TNKS: variants seen among roughly 807,000 people sequenced by gnomAD.
TNKS encodes tankyrase, also known as poly [ADP-ribose] polymerase tankyrase-1.
Under a neutral mutation model 135.8 loss-of-function variants are expected in TNKS, and 72 were observed. The ratio of observed to expected loss-of-function variants is 0.53; its 90% confidence interval spans 0.44 to 0.64. TNKS has a LOEUF of 0.64. Ranked by LOEUF, TNKS falls within the 30% of genes least tolerant of loss-of-function variation. The pLI, the probability that TNKS is intolerant of heterozygous loss-of-function variation, is 0.00. For missense variants in TNKS, 1,769 were observed against 1,674.0 expected (o/e 1.06, Z -0.99); for synonymous variants, 849 against 649.3 (o/e 1.31, Z -4.68).
At chr8:9,728,011 A>G (rs1168479014) in intron 13 of TNKS, among the ~76,000 whole-genome samples, 1 of 152,248 alleles carries the variant, frequency 6.6e-6, no homozygotes, top group Non-Finnish European at 1.5e-5. Context: ...CTTTCAGAGC[A>G]TGATCATCTC....
At chr8:9,576,804 C>G (rs1450711179) in intron 1 of TNKS, among the ~76,000 whole-genome samples, 1 of 151,800 alleles carries the variant, frequency 6.6e-6, no homozygotes, top group African/African-American at 2.4e-5. Flanking sequence ...TAGATTGAAC[C>G]ATATGAAGTT....
chr8:9,772,809 T>TGTGTGTG (rs1563227259), intron 26 of TNKS, among the ~76,000 whole-genome samples: 4 of 86,694 alleles, frequency 4.6e-5, no homozygotes, highest in African/African-American at 1.7e-4. Flanking sequence ...GTGTGTGTGT[T>TGTGTGTG]TGTGTGTGTG....
intron 5 of TNKS, among the ~76,000 whole-genome samples, chr8:9,690,492 G>A (rs1039487214): frequency 2.6e-5 from 4 of 152,022 alleles, no homozygotes. Context: ...AAGCATGGTG[G>A]CTCACGCCTG....
intron 4 of TNKS, 119 bp from the exon 5 acceptor site, chr8:9,680,606 G>T: frequency 1.5e-6 from 1 of 654,538 alleles, no homozygotes; most frequent in Non-Finnish European, 2.7e-6. Context: ...GATTTATTGT[G>T]ATCCATGTAA....
intron 23 of TNKS, among the ~76,000 whole-genome samples, 156 bp downstream of exon 23, chr8:9,764,946 A>C (rs977039839): frequency 6.6e-6 from 1 of 152,220 alleles, no homozygotes; most frequent in Non-Finnish European, 1.5e-5. Context: ...TCACTACAAT[A>C]TCTCTAACTC....
At chr8:9,664,331 A>G (rs968640152) in intron 3 of TNKS, among the ~76,000 whole-genome samples, 1 of 152,130 alleles carries the variant, frequency 6.6e-6, no homozygotes, top group Non-Finnish European at 1.5e-5. Flanking sequence ...TTCACAACCA[A>G]CTATTGAAGG....
intron 5 of TNKS, among the ~76,000 whole-genome samples, chr8:9,697,775 T>G (rs1361972378): frequency 6.6e-6 from 1 of 151,986 alleles, no homozygotes; most frequent in Non-Finnish European, 1.5e-5. Flanking sequence ...TATTAAAAAG[T>G]CAAAAGACAA....
At chr8:9,604,966 A>G (rs1030811682) in intron 2 of TNKS, among the ~76,000 whole-genome samples, 27 of 151,908 alleles carry the variant, frequency 1.8e-4, no homozygotes, top group African/African-American at 5.3e-4. Context: ...TCACAGTCAG[A>G]CCCTCTATAA....
At chr8:9,586,674 G>T (rs896806229) in intron 2 of TNKS, among the ~76,000 whole-genome samples, 1 of 151,010 alleles carries the variant, frequency 6.6e-6, no homozygotes, top group African/African-American at 2.4e-5. Context: ...CAGTATTATA[G>T]AATTTATATT....
intron 1 of TNKS, among the ~76,000 whole-genome samples, chr8:9,571,406 G>C (rs1392794799): frequency 6.6e-6 from 1 of 152,156 alleles, no homozygotes; most frequent in Non-Finnish European, 1.5e-5. Flanking sequence ...TTTGTTTTGA[G>C]GGATGATCTG....
At position 9,660,585 on chromosome 8, in the gene TNKS, C is replaced by T. The variant is rs940836175; in HGVS notation, c.995-19366C>T. Among the ~76,000 whole-genome samples the T allele has an allele frequency of 3.4e-4, 52 of 152,284 alleles. No individual in the cohort carries two copies. In the South Asian group the frequency reaches 9.7e-3, roughly 29 times the overall value. ...TAAATTAGGTATTGATGGGACGTAT[C>T]TCAAAATAATAAGAGCTATCTATGA... On this transcript the variant is annotated intron_variant, in intron 3 of 26. Coordinates refer to ENST00000310430, the MANE Select transcript of TNKS (RefSeq NM_003747.3).
chr8:9,675,740 C>G (rs1221169946), intron 3 of TNKS, among the ~76,000 whole-genome samples: 1 of 152,120 alleles, frequency 6.6e-6, no homozygotes, highest in Non-Finnish European at 1.5e-5. Context: ...TTTTCCAGAA[C>G]TCAGATTTGT....
At chr8:9,666,549 G>A (rs981430736) in intron 3 of TNKS, among the ~76,000 whole-genome samples, 2 of 151,942 alleles carry the variant, frequency 1.3e-5, no homozygotes, top group Admixed American at 6.6e-5. Flanking sequence ...GTGAAACCCC[G>A]TCTCTACTAA....
At chr8:9,638,810 T>C (rs1800616892) in intron 3 of TNKS, among the ~76,000 whole-genome samples, 1 of 152,180 alleles carries the variant, frequency 6.6e-6, no homozygotes, top group Middle Eastern at 3.4e-3. Context: ...TTATTTATAA[T>C]GGAAAAAAAA....
chr8:9,697,856 A>C (rs1458638666), intron 5 of TNKS, among the ~76,000 whole-genome samples: 1 of 152,136 alleles, frequency 6.6e-6, no homozygotes. Flanking sequence ...AAATTTCTCA[A>C]CTTAAAACAG....
intron 3 of TNKS, among the ~76,000 whole-genome samples, chr8:9,675,965 GT>G (rs1802514164): frequency 6.6e-6 from 1 of 150,722 alleles, no homozygotes; most frequent in South Asian, 2.1e-4. Context: ...TTACTGATAG[GT>G]TTGGATACCA....
chr8:9,660,820 T>C (rs1313388543), intron 3 of TNKS, among the ~76,000 whole-genome samples: 2 of 152,180 alleles, frequency 1.3e-5, no homozygotes, highest in African/African-American at 4.8e-5. Context: ...GATGACATGA[T>C]TGTATATCTA....
chr8:9,638,303 T>G (rs2128775263), intron 3 of TNKS, among the ~76,000 whole-genome samples: 1 of 152,374 alleles, frequency 6.6e-6, no homozygotes, highest in Admixed American at 6.5e-5. Flanking sequence ...TGTGTTTGCC[T>G]TAATCATGGC....
intron 26 of TNKS, among the ~76,000 whole-genome samples, chr8:9,774,814 G>A (rs748907495): frequency 2.0e-5 from 3 of 152,094 alleles, no homozygotes; most frequent in African/African-American, 7.2e-5. Context: ...TGCAGACACC[G>A]GCACTATTGA....
Sources: gnomAD v4.1 joint callset for allele counts (sites outside exome capture counted in the v4.1 genomes callset) on GRCh38, gnomAD v4.1.1 for gene constraint, MANE v1.5 for transcripts, NCBI Gene and HGNC (gene_info 2026-07-23, HGNC 2026-07-21) for gene names.